Variants in PLEKHA5 observed in about 807,000 individuals in gnomAD.
The protein encoded by PLEKHA5 is pleckstrin homology domain-containing family A member 5.
Under a neutral mutation model 181.9 loss-of-function variants are expected in PLEKHA5, and 55 were observed. That is an observed-to-expected ratio of 0.30 (90% confidence interval 0.24 to 0.38). The LOEUF (loss-of-function observed/expected upper bound fraction) is 0.38, where lower values mean the gene tolerates loss of function less well. PLEKHA5 is among the 10% of genes least tolerant of loss of function. The probability of loss-of-function intolerance (pLI) is 1.00; values close to 1 mark genes in which losing one functional copy is unlikely to be tolerated. For synonymous variants in PLEKHA5, 535 were observed against 529.4 expected, an observed-to-expected ratio of 1.01 and a Z score of -0.15; for missense variants, 1,432 against 1,549.5, an observed-to-expected ratio of 0.92 and a Z score of 1.27.
At chr12:19,151,414 GGTTT>G (rs1368780218) in intron 3 of PLEKHA5, 2 of 152,154 alleles carry the variant, frequency 1.3e-5, no homozygotes, top group Non-Finnish European at 2.9e-5. Flanking sequence ...GGCATTGAGA[GGTTT>G]GCTGAATTTA....
intron 3 of PLEKHA5, among the ~76,000 whole-genome samples, chr12:19,134,463 A>G (rs565733841): frequency 1.3e-5 from 2 of 152,120 alleles, no homozygotes; most frequent in Non-Finnish European, 2.9e-5. Context: ...ATAGTGTTGC[A>G]TATCACTCAT....
chr12:19,270,807 C>CT (rs2072482467), intron 10 of PLEKHA5, among the ~76,000 whole-genome samples: 1 of 151,878 alleles, frequency 6.6e-6, no homozygotes, highest in African/African-American at 2.4e-5. Flanking sequence ...TTTCCCTCTT[C>CT]TTTTTTTTCC....
At chr12:19,232,874 G>A (rs368756870) in intron 3 of PLEKHA5, among the ~76,000 whole-genome samples, 2 of 152,248 alleles carry the variant, frequency 1.3e-5, no homozygotes, top group South Asian at 2.1e-4. Context: ...GTGTTTAGAA[G>A]TTGTTGGCCC....
chr12:19,162,090 TAG>T (rs2043093245), intron 3 of PLEKHA5, among the ~76,000 whole-genome samples: 2 of 152,136 alleles, frequency 1.3e-5, no homozygotes, highest in South Asian at 4.1e-4. Flanking sequence ...AAATTTTAGT[TAG>T]AGAATAGTGA....
chr12:19,334,870 C>CTA lies in PLEKHA5; in HGVS notation c.2449-1644_2449-1643insAT, dbSNP rs1461069710. ...TATATATATATATATATATATATAT[C>CTA]TCTGTATACGCACACACACACAAAA... On this transcript the variant is annotated intron_variant, in intron 20 of 31. Transcript: ENST00000429027. Among the ~76,000 whole-genome samples, 218 of 26,244 alleles carry CTA rather than the reference C, an allele frequency of 8.3e-3. 7 individuals are homozygous for CTA. Among genetic ancestry groups the CTA allele is most frequent in the Non-Finnish European group, 0.013 (154 of 11,436 alleles). The allele number at this position is 26,244 out of a possible 152,430, so 17.2% of individuals were successfully genotyped here. A position where few individuals can be genotyped will look rare whatever the true frequency, so the allele number is the denominator to read the frequency against.
At chr12:19,180,096 T>C (rs1171235597) in intron 3 of PLEKHA5, among the ~76,000 whole-genome samples, 3 of 152,242 alleles carry the variant, frequency 2.0e-5, no homozygotes, top group African/African-American at 7.2e-5. Context: ...ACTTAGTTTT[T>C]GTACCTTGTA....
At chr12:19,283,985 A>G (rs1338142062) in intron 12 of PLEKHA5, among the ~76,000 whole-genome samples, 1 of 152,162 alleles carries the variant, frequency 6.6e-6, no homozygotes, top group African/African-American at 2.4e-5. Flanking sequence ...GAGCAGATGC[A>G]TTCTGTTTTC....
chr12:19,139,666 A>G (rs938528080), intron 3 of PLEKHA5, among the ~76,000 whole-genome samples: 2 of 152,226 alleles, frequency 1.3e-5, no homozygotes, highest in African/African-American at 4.8e-5. Context: ...ATAGACTGTG[A>G]TAAATGCTAT....
At chr12:19,269,609 T>C (rs148545933) in intron 8 of PLEKHA5, among the ~76,000 whole-genome samples, 161 bp from the exon 9 acceptor site, 3,109 of 152,180 alleles carry the variant, frequency 0.02, 42 homozygotes, top group Middle Eastern at 0.048. Context: ...TTAATAGTTA[T>C]ATTTTTTCTT....
chr12:19,195,943 A>G (rs1415008650), intron 3 of PLEKHA5, among the ~76,000 whole-genome samples: 2 of 152,074 alleles, frequency 1.3e-5, no homozygotes, highest in African/African-American at 2.4e-5. Context: ...TTACTTTGGC[A>G]TCTTTCTCTT....
intron 20 of PLEKHA5, among the ~76,000 whole-genome samples, chr12:19,330,604 ATAAT>A (rs71985646): frequency 0.53 from 80,324 of 151,476 alleles, 25,197 homozygotes; most frequent in Non-Finnish European, 0.72. Context: ...AACTCCTTAA[ATAAT>A]TAAGCACATT....
At chr12:19,193,753 T>G (rs899793507) in intron 3 of PLEKHA5, among the ~76,000 whole-genome samples, 1 of 152,122 alleles carries the variant, frequency 6.6e-6, no homozygotes, top group Non-Finnish European at 1.5e-5. Flanking sequence ...GGCTGGATAA[T>G]TTATAAAGAA....
intron 15 of PLEKHA5, among the ~76,000 whole-genome samples, chr12:19,311,066 C>T (rs1371787479): frequency 6.6e-6 from 1 of 152,036 alleles, no homozygotes; most frequent in African/African-American, 2.4e-5. Flanking sequence ...ATTGACTCTT[C>T]TTTTCACGAA....
intron 20 of PLEKHA5, among the ~76,000 whole-genome samples, chr12:19,330,303 C>T (rs954302744): frequency 3.3e-5 from 5 of 152,104 alleles, no homozygotes; most frequent in Non-Finnish European, 7.4e-5. Context: ...CAATTGTGGT[C>T]ATAAACTAGA....
rs183463510 is a variant in PLEKHA5, at chr12:19,179,352, A to G, written c.227+46902A>G. 5.5e-4 allele frequency among the ~76,000 whole-genome samples: 84 copies of G among 152,294 alleles called. No homozygotes were observed. The East Asian group carries it at 0.012, about 22-fold the overall frequency. On this transcript the variant is annotated intron_variant, in intron 3 of 31. Transcript: ENST00000429027. ...GACTGGAGGGGAACCTGAAAAAACA[A>G]TTGAACAAAAGAATGAAGTGTTGGC...
At chr12:19,198,166 A>G (rs980405647) in intron 3 of PLEKHA5, among the ~76,000 whole-genome samples, 3 of 152,196 alleles carry the variant, frequency 2.0e-5, no homozygotes, top group African/African-American at 7.2e-5. Flanking sequence ...TAAAAATGTA[A>G]TTCAGATCTT....
At chr12:19,183,802 C>G (rs1565437764) in intron 3 of PLEKHA5, among the ~76,000 whole-genome samples, 2 of 152,198 alleles carry the variant, frequency 1.3e-5, no homozygotes, top group Non-Finnish European at 2.9e-5. Flanking sequence ...CACCCTCTGC[C>G]TGCCAGGTTC....
chr12:19,290,693 T>G lies in PLEKHA5; in HGVS notation c.1880T>G (p.Leu627Arg). 1 of 1,534,968 alleles carries G rather than the reference T, an allele frequency of 6.5e-7. No homozygotes were observed. The highest frequency in any genetic ancestry group is 8.7e-7 in the Non-Finnish European group (1 of 1,145,974). The change falls in exon 14 of 32, where the codon CTG becomes CGG. Residue 627 changes from leucine to arginine, a missense_variant. This residue lies in a region of PLEKHA5 where 1,143 missense variants were observed against 1,168.4 expected (regional missense o/e 0.98). Transcript: ENST00000429027. ...CTCCTTCAGCCAGAGGAGCTTACGC[T>G]GCTGCTAATAAAGCTGAGACGGCAG... ...LQGKTPEELT[L>R]LLIKLRRQQA...
intron 3 of PLEKHA5, among the ~76,000 whole-genome samples, chr12:19,211,372 G>A (rs559896786): frequency 3.9e-5 from 6 of 152,142 alleles, no homozygotes; most frequent in Middle Eastern, 6.8e-3. Flanking sequence ...GGGCGGTGGC[G>A]AATGCAGTCA....
Sources: gnomAD v4.1 joint callset for allele counts (sites outside exome capture counted in the v4.1 genomes callset) on GRCh38, gnomAD v4.1.1 for gene constraint, gnomAD v4.1.1 regional missense constraint, MANE v1.5 for transcripts, NCBI Gene and HGNC (gene_info 2026-07-23, HGNC 2026-07-21) for gene names.